Variants in KCNH8 observed in about 807,000 individuals in gnomAD.
KCNH8 encodes the protein voltage-gated delayed rectifier potassium channel KCNH8.
Under a neutral mutation model 103.6 loss-of-function variants are expected in KCNH8, and 70 were observed. That is an observed-to-expected ratio of 0.68 (90% CI 0.56 to 0.82). The LOEUF is 0.82. KCNH8 is among the 40% of genes least tolerant of loss of function. KCNH8 has a pLI of 0.00. For synonymous variants in KCNH8, 498 were observed against 489.4 expected (o/e 1.02, Z -0.23); for missense variants, 1,217 against 1,329.9 (o/e 0.92, Z 1.32).
chr3:19,177,054 TCA>T (rs1296247089), intron 1 of KCNH8, among the ~76,000 whole-genome samples: 2 of 152,150 alleles, frequency 1.3e-5, no homozygotes, highest in Non-Finnish European at 2.9e-5. Context: ...ATAAGTCACA[TCA>T]CAGTCTTGCT....
intron 2 of KCNH8, among the ~76,000 whole-genome samples, chr3:19,274,890 C>T (rs1375268349): frequency 8.7e-6 from 1 of 115,114 alleles, no homozygotes; most frequent in East Asian, 3.1e-4. Context: ...CCTCCCCTCC[C>T]CTTCCCTTCC....
chr3:19,309,802 A>G (rs763214716), intron 3 of KCNH8, among the ~76,000 whole-genome samples: 14 of 151,908 alleles, frequency 9.2e-5, no homozygotes, highest in Non-Finnish European at 1.8e-4. Flanking sequence ...CCTTTTTGAA[A>G]CCACTTAACG....
At chr3:19,196,826 G>A (rs1265674865) in intron 1 of KCNH8, among the ~76,000 whole-genome samples, 1 of 151,866 alleles carries the variant, frequency 6.6e-6, no homozygotes, top group Non-Finnish European at 1.5e-5. Flanking sequence ...GTTTGTTTGA[G>A]GGATTTTATC....
chr3:19,177,578 T>C (rs554133301), intron 1 of KCNH8, among the ~76,000 whole-genome samples: 2 of 152,178 alleles, frequency 1.3e-5, no homozygotes, highest in East Asian at 3.9e-4. Flanking sequence ...TATATACATA[T>C]TAAAACTTGA....
At chr3:19,203,521 A>G (rs2063684229) in intron 1 of KCNH8, among the ~76,000 whole-genome samples, 1 of 152,130 alleles carries the variant, frequency 6.6e-6, no homozygotes, top group South Asian at 2.1e-4. Context: ...ATGGTTTACA[A>G]AAAATGTAAA....
chr3:19,148,817 G>A, intron 1 of KCNH8, 22 bp downstream of exon 1: 1 of 1,601,692 alleles, frequency 6.2e-7, no homozygotes. Flanking sequence ...ACTTGAACGA[G>A]TGGTATGGCA....
chr3:19,492,904 A>T (rs1010268492), intron 11 of KCNH8, among the ~76,000 whole-genome samples: 1 of 148,074 alleles, frequency 6.8e-6, no homozygotes, highest in South Asian at 2.1e-4. Flanking sequence ...CTTCTTTCAC[A>T]AGACTTTCGT....
At chr3:19,383,474 C>T (rs566403681) in intron 5 of KCNH8, among the ~76,000 whole-genome samples, 18 of 152,024 alleles carry the variant, frequency 1.2e-4, no homozygotes, top group East Asian at 5.8e-4. Flanking sequence ...CGCCTCCAAG[C>T]GATTCTTCTG....
intron 4 of KCNH8, among the ~76,000 whole-genome samples, chr3:19,345,039 C>T (rs1207980249): frequency 2.0e-5 from 3 of 152,020 alleles, no homozygotes; most frequent in Non-Finnish European, 4.4e-5. Flanking sequence ...CAAATGAACT[C>T]GTCAGGTCAT....
At chr3:19,216,628 C>T (rs183886300) in intron 1 of KCNH8, among the ~76,000 whole-genome samples, 1 of 152,324 alleles carries the variant, frequency 6.6e-6, no homozygotes, top group Non-Finnish European at 1.5e-5. Flanking sequence ...AGTTTCCTTG[C>T]CACCTTTATT....
intron 1 of KCNH8, among the ~76,000 whole-genome samples, chr3:19,166,391 C>CA (rs2063283733): frequency 6.6e-6 from 1 of 151,870 alleles, no homozygotes; most frequent in Non-Finnish European, 1.5e-5. Context: ...ACTGCACATG[C>CA]AAAAAAATAC....
intron 11 of KCNH8, among the ~76,000 whole-genome samples, chr3:19,499,478 C>A (rs1020573622): frequency 6.6e-6 from 1 of 152,076 alleles, no homozygotes; most frequent in Admixed American, 6.6e-5. Context: ...AACTCCAAGA[C>A]ACATAATTGT....
chr3:19,461,913 T>G (rs771726996), intron 11 of KCNH8, among the ~76,000 whole-genome samples: 1 of 152,022 alleles, frequency 6.6e-6, no homozygotes, highest in East Asian at 1.9e-4. Flanking sequence ...GTCCTTGTGA[T>G]AGTTTGCTCA....
chr3:19,469,509 G>A (rs137992933), intron 11 of KCNH8, among the ~76,000 whole-genome samples: 3,254 of 152,062 alleles, frequency 0.021, 119 homozygotes, highest in African/African-American at 0.072. Flanking sequence ...GCGCGATCTC[G>A]GCTCACTGCA....
In KCNH8 at chr3:19,533,971, G is replaced by A. The variant is rs2069220696; in HGVS notation, c.3196G>A (p.Glu1066Lys). The A allele has an allele frequency of 1.2e-6, 2 of 1,614,142 alleles. No individual in the cohort carries two copies. The highest frequency in any genetic ancestry group is 1.7e-6 in the Non-Finnish European group (2 of 1,180,016). Residue 1066 changes from glutamate to lysine, a missense_variant, in exon 16 of 16, where the codon GAA becomes AAA. Physicochemically the swap from Glu to Lys is moderately conservative, Grantham distance 56. This residue lies in a region of KCNH8 where 558 missense variants were observed against 495.8 expected (regional missense o/e 1.13). Coordinates refer to ENST00000328405, the MANE Select transcript of KCNH8 (RefSeq NM_144633.3). ...SQGTVSSFSL[E>K]NLPGSWNQEG... ...GGGAACTGTGAGTTCCTTCAGTCTG[G>A]AAAACTTACCAGGATCTTGGAACCA...
intron 1 of KCNH8, among the ~76,000 whole-genome samples, chr3:19,232,864 C>A (rs2064012333): frequency 6.6e-6 from 1 of 152,140 alleles, no homozygotes; most frequent in East Asian, 1.9e-4. Flanking sequence ...TCAGAGAATA[C>A]TATTCATGCT....
intron 15 of KCNH8, among the ~76,000 whole-genome samples, chr3:19,522,942 T>TGTAA (rs966276840): frequency 1.3e-5 from 2 of 151,864 alleles, no homozygotes; most frequent in Non-Finnish European, 2.9e-5. Flanking sequence ...CTTGGTATAG[T>TGTAA]GTAAGTTACA....
At chr3:19,289,755 T>C (rs112558849) in intron 3 of KCNH8, among the ~76,000 whole-genome samples, 25 of 152,210 alleles carry the variant, frequency 1.6e-4, no homozygotes, top group African/African-American at 6.0e-4. Context: ...ATATGAATTT[T>C]AAAGTATTTT....
At chr3:19,324,735 A>G (rs956886323) in intron 3 of KCNH8, among the ~76,000 whole-genome samples, 4 of 152,200 alleles carry the variant, frequency 2.6e-5, no homozygotes, top group East Asian at 1.9e-4. Flanking sequence ...GGAACAATCA[A>G]TGTAATTAAA....
Sources: gnomAD v4.1 joint callset for allele counts (sites outside exome capture counted in the v4.1 genomes callset) on GRCh38, gnomAD v4.1.1 for gene constraint, gnomAD v4.1.1 regional missense constraint, MANE v1.5 for transcripts, NCBI Gene and HGNC (gene_info 2026-07-23, HGNC 2026-07-21) for gene names.